Variants in FGF14 observed in about 807,000 individuals in gnomAD.
FGF14 encodes the protein fibroblast growth factor homologous factor 4.
A neutral mutation model predicts 25.5 loss-of-function variants in FGF14; 5 were observed. The ratio of observed to expected loss-of-function variants is 0.20; its 90% CI spans 0.10 to 0.41. The LOEUF is 0.41. Among genes scored for constraint, FGF14 ranks in the 10% least tolerant of loss-of-function variants. The probability of loss-of-function intolerance (pLI) is 1.00; values close to 1 mark genes in which losing one functional copy is unlikely to be tolerated. For missense variants in FGF14, 222 were observed against 320.1 expected, an observed-to-expected ratio of 0.69 and a Z score of 2.34; for synonymous variants, 138 against 118.3, an observed-to-expected ratio of 1.17 and a Z score of -1.08.
chr13:101,910,836 TCGTGTGTGTG>T (rs374005982), intron 1 of FGF14, among the ~76,000 whole-genome samples: 1 of 106,652 alleles, frequency 9.4e-6, no homozygotes, highest in Non-Finnish European at 2.0e-5. Context: ...AGATTTGGAT[TCGTGTGTGTG>T]TGTGTGTGTG....
intron 1 of FGF14, among the ~76,000 whole-genome samples, chr13:102,172,081 C>T (rs778829659): frequency 7.9e-5 from 12 of 151,898 alleles, no homozygotes; most frequent in African/African-American, 2.7e-4. Flanking sequence ...CCTCCTCCCT[C>T]GACCTCCCAA....
rs1227773946 is a variant in FGF14, at chr13:101,721,300, A to G, written c.*1531T>C. 1 of 152,156 alleles carries G rather than the reference A, an allele frequency of 6.6e-6. No individual in the cohort carries two copies. The highest frequency in any genetic ancestry group is 1.9e-4 in the East Asian group (1 of 5,190). 9.4% of individuals were successfully genotyped at this position (152,156 alleles called of 1,614,324 possible). A position where few individuals can be genotyped will look rare whatever the true frequency, so the allele number is the denominator to read the frequency against. ...GCATGGAATCTTCATTGTGTAGTCA[A>G]CTGTTCCTGGCCTTTCTTGGTAGTT... On this transcript the variant is annotated 3_prime_UTR_variant, in exon 5 of 5. Transcript: ENST00000376143.
intron 3 of FGF14, among the ~76,000 whole-genome samples, chr13:101,773,893 C>G (rs187485827): frequency 1.7e-4 from 25 of 148,686 alleles, no homozygotes; most frequent in Non-Finnish European, 3.1e-4. Context: ...AAGGGGGGCA[C>G]CATTCTTGAT....
At chr13:101,902,294 TTTC>T (rs1389728608) in intron 1 of FGF14, among the ~76,000 whole-genome samples, 1 of 152,192 alleles carries the variant, frequency 6.6e-6, no homozygotes. Flanking sequence ...GCTCTTTCTC[TTTC>T]TTTTTTTAAG....
chr13:102,260,649 G>A (rs2052673929), intron 1 of FGF14, among the ~76,000 whole-genome samples: 2 of 152,244 alleles, frequency 1.3e-5, no homozygotes, highest in South Asian at 4.1e-4. Flanking sequence ...GTGCCAAGAG[G>A]CAAAACGGGC....
At chr13:101,984,981 A>G (rs1483878328) in intron 1 of FGF14, among the ~76,000 whole-genome samples, 2 of 152,114 alleles carry the variant, frequency 1.3e-5, no homozygotes, top group Non-Finnish European at 2.9e-5. Context: ...ATTAGGAAAG[A>G]CAAGCACCTA....
intron 1 of FGF14, among the ~76,000 whole-genome samples, chr13:101,909,187 A>T (rs1456727663): frequency 6.6e-6 from 1 of 152,222 alleles, no homozygotes; most frequent in Non-Finnish European, 1.5e-5. Context: ...ATGTGCGAGG[A>T]CTTCATGTCT....
intron 3 of FGF14, among the ~76,000 whole-genome samples, chr13:101,860,562 T>C (rs751112012): frequency 3.3e-5 from 5 of 152,074 alleles, no homozygotes; most frequent in African/African-American, 1.2e-4. Context: ...CTGGGATATA[T>C]ATTCAAAATT....
At chr13:102,052,606 G>C (rs1351735421) in intron 1 of FGF14, among the ~76,000 whole-genome samples, 1 of 151,774 alleles carries the variant, frequency 6.6e-6, no homozygotes. Context: ...AACCTTATAG[G>C]CCAGGAAAAA....
At position 102,294,714 on chromosome 13, in the gene FGF14, G is replaced by A. The variant is rs757047679; in HGVS notation, c.208+106757C>T. ...GTGGTCAAAATAGCTGTTTCCTTCT[G>A]ATAATATTAGTGAAATTTTTCTAGT... On this transcript the variant is annotated intron_variant, in intron 1 of 4. Coordinates refer to the FGF14 transcript ENST00000376131. Among the ~76,000 whole-genome samples the A allele has an allele frequency of 3.3e-5, 5 of 152,116 alleles. No individual in the cohort carries two copies. In the Middle Eastern group the frequency reaches 0.017, roughly 521 times the overall value.
intron 3 of FGF14, among the ~76,000 whole-genome samples, chr13:101,775,982 C>T (rs1179053059): frequency 6.6e-6 from 1 of 152,114 alleles, no homozygotes; most frequent in Non-Finnish European, 1.5e-5. Flanking sequence ...AAGAAAAATT[C>T]ATGGAAGCGT....
intron 1 of FGF14, among the ~76,000 whole-genome samples, chr13:102,332,627 T>C (rs925400623): frequency 6.6e-6 from 1 of 152,120 alleles, no homozygotes; most frequent in South Asian, 2.1e-4. Flanking sequence ...CTGTGCATCA[T>C]GTCCTCAAAT....
Position 101,973,275 on chromosome 13 carries a change from C to T in FGF14, c.209-97979G>A, listed in dbSNP as rs1213694860. On this transcript the variant is annotated intron_variant, in intron 1 of 4. Coordinates refer to the FGF14 transcript ENST00000376131. ...CAGAGGTCGTAGTCATGGAAACCTGCTAATACCTTTAAATAAAATATATCC... is the reference window on the plus strand; with the variant it reads ...CAGAGGTCGTAGTCATGGAAACCTGTTAATACCTTTAAATAAAATATATCC... Among the ~76,000 whole-genome samples the T allele has an allele frequency of 3.9e-5, 6 of 152,182 alleles. No homozygotes were observed. The East Asian group carries it at 9.7e-4, about 25-fold the overall frequency.
At chr13:102,021,250 A>G (rs1316683192) in intron 1 of FGF14, among the ~76,000 whole-genome samples, 3 of 152,064 alleles carry the variant, frequency 2.0e-5, no homozygotes, top group Non-Finnish European at 4.4e-5. Flanking sequence ...GATAGTGAAT[A>G]GGAGGATGAA....
At chr13:102,195,938 G>C (rs1349155189) in intron 1 of FGF14, among the ~76,000 whole-genome samples, 1 of 143,992 alleles carries the variant, frequency 6.9e-6, no homozygotes, top group Non-Finnish European at 1.6e-5. Flanking sequence ...TAAATTTGTT[G>C]TAGACAGACA....
chr13:102,305,917 G>A (rs1420631422), intron 1 of FGF14, among the ~76,000 whole-genome samples: 1 of 152,250 alleles, frequency 6.6e-6, no homozygotes, highest in African/African-American at 2.4e-5. Flanking sequence ...CAGACATGAG[G>A]ATAATATTTG....
chr13:101,794,919 A>C (rs368919745), intron 3 of FGF14, among the ~76,000 whole-genome samples: 18 of 152,300 alleles, frequency 1.2e-4, no homozygotes, highest in Admixed American at 4.6e-4. Flanking sequence ...AAAATCTACA[A>C]GATGGTGAAA....
chr13:101,828,292 G>A (rs1292220140), intron 3 of FGF14, among the ~76,000 whole-genome samples: 1 of 151,948 alleles, frequency 6.6e-6, no homozygotes, highest in Non-Finnish European at 1.5e-5. Context: ...GTCAAGCAAA[G>A]TGCAGGAAAA....
chr13:101,772,149 T>C (rs1439002752), intron 3 of FGF14, among the ~76,000 whole-genome samples: 1 of 152,018 alleles, frequency 6.6e-6, no homozygotes, highest in Non-Finnish European at 1.5e-5. Flanking sequence ...ATATACATTA[T>C]GTGACAATGA....
Sources: gnomAD v4.1 joint callset for allele counts (sites outside exome capture counted in the v4.1 genomes callset) on GRCh38, gnomAD v4.1.1 for gene constraint, MANE v1.5 for transcripts, NCBI Gene and HGNC (gene_info 2026-07-23, HGNC 2026-07-21) for gene names.